Variants in PLCB1 observed in about 807,000 individuals in gnomAD.
The protein encoded by PLCB1 is phospholipase C beta 1.
A neutral mutation model predicts 161.8 loss-of-function variants in PLCB1; 46 were observed. The ratio of observed to expected loss-of-function variants is 0.28; its 90% CI spans 0.22 to 0.36. The LOEUF (loss-of-function observed/expected upper bound fraction) is 0.36, where lower values mean the gene tolerates loss of function less well. PLCB1 is among the 10% of genes least tolerant of loss of function. The pLI is 1.00. For synonymous variants in PLCB1, 517 were observed against 503.7 expected (o/e 1.03, Z -0.35); for missense variants, 1,016 against 1,472.5 (o/e 0.69, Z 5.07).
intron 2 of PLCB1, among the ~76,000 whole-genome samples, chr20:8,225,181 C>T (rs2123170766): frequency 6.6e-6 from 1 of 152,312 alleles, no homozygotes; most frequent in Admixed American, 6.5e-5. Flanking sequence ...CTTTTTGTCA[C>T]ATCTACGAAC....
At chr20:8,595,522 C>G (rs1282332677) in intron 3 of PLCB1, among the ~76,000 whole-genome samples, 3 of 126,764 alleles carry the variant, frequency 2.4e-5, no homozygotes, top group Non-Finnish European at 3.3e-5. Context: ...TGGGTTGGTT[C>G]CAAGTCTTTG....
intron 2 of PLCB1, among the ~76,000 whole-genome samples, chr20:8,319,078 C>G (rs373559582): frequency 2.0e-5 from 3 of 152,180 alleles, no homozygotes; most frequent in African/African-American, 7.2e-5. Context: ...ATATAGGCAC[C>G]CATACACATA....
At chr20:8,703,796 T>TG (rs1220957216) in intron 11 of PLCB1, among the ~76,000 whole-genome samples, 2 of 152,054 alleles carry the variant, frequency 1.3e-5, no homozygotes, top group Non-Finnish European at 2.9e-5. Context: ...GCCAGGAAGA[T>TG]GGGGGGCATG....
chr20:8,644,915 A>C (rs916661231), intron 4 of PLCB1, among the ~76,000 whole-genome samples: 43 of 152,202 alleles, frequency 2.8e-4, no homozygotes, highest in South Asian at 6.2e-4. Context: ...AGATTGAGAA[A>C]TCAGATGGTT....
intron 31 of PLCB1, among the ~76,000 whole-genome samples, chr20:8,799,545 C>A (rs1360075712): frequency 1.3e-5 from 2 of 151,972 alleles, no homozygotes; most frequent in African/African-American, 4.8e-5. Flanking sequence ...TTTGATATAA[C>A]CAGGATAGTG....
At chr20:8,148,559 A>G (rs757292316) in intron 1 of PLCB1, among the ~76,000 whole-genome samples, 3 of 152,234 alleles carry the variant, frequency 2.0e-5, no homozygotes, top group Non-Finnish European at 4.4e-5. Flanking sequence ...ACTTCTGGGT[A>G]TATACTGAAA....
chr20:8,520,050 A>C (rs1316725939), intron 3 of PLCB1, among the ~76,000 whole-genome samples: 1 of 152,190 alleles, frequency 6.6e-6, no homozygotes, highest in Non-Finnish European at 1.5e-5. Flanking sequence ...CAAACCTGGC[A>C]GGCCCAGAAA....
chr20:8,465,900 G>A (rs1414573065), intron 3 of PLCB1, among the ~76,000 whole-genome samples: 1 of 150,852 alleles, frequency 6.6e-6, no homozygotes, highest in African/African-American at 2.5e-5. Flanking sequence ...TTCAACCGTT[G>A]TGGAAGTCAG....
chr20:8,363,697 C>T (rs1460745923), intron 2 of PLCB1, among the ~76,000 whole-genome samples: 2 of 152,030 alleles, frequency 1.3e-5, no homozygotes, highest in African/African-American at 4.8e-5. Context: ...GAGGGGATTA[C>T]ACAAAGGCAT....
intron 3 of PLCB1, among the ~76,000 whole-genome samples, chr20:8,615,719 G>GT (rs1988024925): frequency 6.6e-6 from 1 of 152,184 alleles, no homozygotes; most frequent in Non-Finnish European, 1.5e-5. Flanking sequence ...AGGAGCACGT[G>GT]TAACAAATTT....
chr20:8,307,302 A>T (rs1984175427), intron 2 of PLCB1, among the ~76,000 whole-genome samples: 1 of 152,282 alleles, frequency 6.6e-6, no homozygotes, highest in South Asian at 2.1e-4. Context: ...TTCTAAAATA[A>T]TGAAGCAGAA....
chr20:8,386,689 T>A (rs921476849), intron 3 of PLCB1, among the ~76,000 whole-genome samples: 3 of 152,192 alleles, frequency 2.0e-5, no homozygotes, highest in Non-Finnish European at 4.4e-5. Context: ...AGGCATTGAC[T>A]TCTCTCAAGA....
At position 8,728,352 on chromosome 20, in the gene PLCB1, A is replaced by G. The variant is rs141869853; in HGVS notation, c.1764-698A>G. ...TTCACCTAACTTGGTGATAGGAACT[A>G]GTCAGTCATGTTTTAAAGACATAGC... On this transcript the variant is annotated intron_variant, in intron 17 of 31. Transcript: ENST00000338037. 2.2e-3 allele frequency among the ~76,000 whole-genome samples: 341 copies of G among 152,188 alleles called. 2 individuals carry two copies. The Middle Eastern group carries it at 0.037, about 17-fold the overall frequency.
At chr20:8,522,592 T>C (rs900546657) in intron 3 of PLCB1, among the ~76,000 whole-genome samples, 15 of 152,096 alleles carry the variant, frequency 9.9e-5, no homozygotes, top group Admixed American at 2.0e-4. Flanking sequence ...GAAAATGAGT[T>C]TGGAACAATG....
At chr20:8,196,512 G>A (rs753660110) in intron 2 of PLCB1, among the ~76,000 whole-genome samples, 1 of 151,816 alleles carries the variant, frequency 6.6e-6, no homozygotes, top group African/African-American at 2.4e-5. Flanking sequence ...ATTATTGTAG[G>A]TGTTCTTACT....
At chr20:8,474,802 G>A (rs1982200775) in intron 3 of PLCB1, among the ~76,000 whole-genome samples, 1 of 152,112 alleles carries the variant, frequency 6.6e-6, no homozygotes, top group Non-Finnish European at 1.5e-5. Context: ...TGCCCATTAA[G>A]AATTTTAAGA....
At chr20:8,765,063 A>C in intron 25 of PLCB1, 76 bp from the exon 26 acceptor site, 1 of 1,134,250 alleles carries the variant, frequency 8.8e-7, no homozygotes, top group Non-Finnish European at 1.3e-6. Flanking sequence ...TTTCTTCCTA[A>C]GAAGGTAGCC....
chr20:8,559,828 C>T (rs934662167), intron 3 of PLCB1, among the ~76,000 whole-genome samples: 4 of 151,986 alleles, frequency 2.6e-5, no homozygotes, highest in Non-Finnish European at 4.4e-5. Context: ...GAGCCTAGGT[C>T]GGTCTTGTAC....
intron 31 of PLCB1, among the ~76,000 whole-genome samples, chr20:8,850,016 TA>T (rs948960041): frequency 1.3e-5 from 2 of 151,786 alleles, no homozygotes; most frequent in African/African-American, 4.8e-5. Flanking sequence ...CGTCTAAAAA[TA>T]AAAAAAAGAA....
Sources: allele counts gnomAD v4.1 joint callset (sites outside exome capture counted in the v4.1 genomes callset), GRCh38; gene constraint gnomAD v4.1.1; transcripts MANE v1.5; gene names NCBI Gene and HGNC (gene_info 2026-07-23, HGNC 2026-07-21).